Variants in ATXN10 observed in about 807,000 individuals in gnomAD.
ATXN10 encodes ataxin 10.
In ATXN10, 28 loss-of-function variants were observed where a neutral mutation model predicts 52.9. The observed-to-expected ratio is 0.53, with a 90% CI of 0.39 to 0.73. The LOEUF is 0.73. Among genes scored for constraint, ATXN10 ranks in the 30% least tolerant of loss-of-function variants. The probability of loss-of-function intolerance (pLI) is 0.00; values close to 1 mark genes in which losing one functional copy is unlikely to be tolerated. For missense variants in ATXN10, 565 were observed against 577.0 expected, an observed-to-expected ratio of 0.98 and a Z score of 0.21; for synonymous variants, 226 against 221.5, an observed-to-expected ratio of 1.02 and a Z score of -0.18.
rs531479224 is a variant in ATXN10 at position 45,821,365 on chromosome 22, A to C, written c.1237+14343A>C. Among the ~76,000 whole-genome samples, 15 of 151,936 alleles carry C rather than the reference A, an allele frequency of 9.9e-5. No individual in the cohort carries two copies. The South Asian group carries it at 1.7e-3, about 17-fold the overall frequency. Reference sequence around the variant, plus strand: ...GTCTCTTTAAAAAAAAAAAAAAAAAAAACGAACCTAGCACAGTTTCCTCCA... The same window carrying C: ...GTCTCTTTAAAAAAAAAAAAAAAAACAACGAACCTAGCACAGTTTCCTCCA... On this transcript the variant is annotated intron_variant, in intron 10 of 11. Coordinates refer to ENST00000252934, the MANE Select transcript of ATXN10 (RefSeq NM_013236.4).
In ATXN10 at chr22:45,819,192, AAATAG is replaced by A. The variant is rs56195245; in HGVS notation, c.1237+12226_1237+12230del. 0.1 allele frequency among the ~76,000 whole-genome samples: 15,380 copies of A among 147,426 alleles called. 937 individuals carry two copies. The highest frequency in any genetic ancestry group is 0.15 in the African/African-American group (5,917 of 39,602). On this transcript the variant is annotated intron_variant, in intron 10 of 11. Transcript: ENST00000252934. This position sits in a 1 kb window ranked among gnomAD's most constrained non-coding sequence, Gnocchi z 4.5. ...TCTGTAGTATGAAGAATAGAATAGA[AAATAG>A]AATAGAATAGAATAGAATAGAATAG...
intron 9 of ATXN10, among the ~76,000 whole-genome samples, chr22:45,765,453 A>G (rs544985910): frequency 2.5e-4 from 38 of 152,284 alleles, no homozygotes; most frequent in African/African-American, 8.9e-4. Flanking sequence ...CTGGTGAATT[A>G]TTCCTCTCTC....
chr22:45,747,318 A>C (rs1925770456), intron 9 of ATXN10, among the ~76,000 whole-genome samples: 1 of 152,162 alleles, frequency 6.6e-6, no homozygotes, highest in Admixed American at 6.6e-5. Context: ...CAGCCAGACA[A>C]CATAATAAGA....
chr22:45,809,717 A>G (rs1035732148), intron 10 of ATXN10, among the ~76,000 whole-genome samples: 3 of 152,190 alleles, frequency 2.0e-5, no homozygotes, highest in Admixed American at 6.5e-5. Flanking sequence ...GTGTACGTGC[A>G]TATGTGTGTA....
intron 3 of ATXN10, 89 bp downstream of exon 3, chr22:45,693,167 A>G (rs1381172310): frequency 9.4e-7 from 1 of 1,059,606 alleles, no homozygotes; most frequent in Non-Finnish European, 1.4e-6. Flanking sequence ...TCATTGAAAC[A>G]CATGTTCTGT....
At position 45,786,524 on chromosome 22, in the gene ATXN10, A is replaced by G. The variant is rs1270961025; in HGVS notation, c.1174-20435A>G. 6.6e-6 allele frequency among the ~76,000 whole-genome samples: 1 copy of G among 152,226 alleles called. No individual in the cohort carries two copies. The highest frequency in any genetic ancestry group is 1.5e-5 in the Non-Finnish European group (1 of 68,030). On this transcript the variant is annotated intron_variant, in intron 9 of 11. Transcript: ENST00000252934. The surrounding 1 kb of genome is among the most constrained non-coding windows in gnomAD (Gnocchi z 4.1). The stretch of plus-strand genomic sequence containing the variant: ...CCCGCACTTTATCACCCTTCCTGCC[A>G]GGGCATTGCTCCCTGGTCGGAAGGA...
rs1924511879 is a variant in ATXN10 at position 45,718,048 on chromosome 22, T to G, written c.648-365T>G. ...TCTCTGGTTCATTATAGCAGTTAGCTTCTGACTAAACCAATTTAATATGTT... is the reference window on the plus strand; with the variant it reads ...TCTCTGGTTCATTATAGCAGTTAGCGTCTGACTAAACCAATTTAATATGTT... On this transcript the variant is annotated intron_variant, in intron 5 of 11. Coordinates refer to ENST00000252934, the MANE Select transcript of ATXN10 (RefSeq NM_013236.4). This position sits in a 1 kb window ranked among gnomAD's most constrained non-coding sequence, Gnocchi z 4.4. Among the ~76,000 whole-genome samples, 1 of 152,212 alleles carries G rather than the reference T, an allele frequency of 6.6e-6. No individual in the cohort carries two copies. The highest frequency in any genetic ancestry group is 2.4e-5 in the African/African-American group (1 of 41,462).
In ATXN10 at chr22:45,783,931, G is replaced by C. The variant is rs540050647; in HGVS notation, c.1174-23028G>C. ...CAAGGCTGGTGAGAGTTTGGCACTT[G>C]AGATGTCTTCCTAGGTCTGCTGAGG... On this transcript the variant is annotated intron_variant, in intron 9 of 11. Transcript: ENST00000252934. The surrounding 1 kb of genome is among the most constrained non-coding windows in gnomAD (Gnocchi z 5.0). Among the ~76,000 whole-genome samples, 26 of 152,250 alleles carry C rather than the reference G, an allele frequency of 1.7e-4. No individual in the cohort carries two copies. The highest frequency in any genetic ancestry group is 3.3e-4 in the Admixed American group (5 of 15,302).
intron 10 of ATXN10, among the ~76,000 whole-genome samples, chr22:45,813,929 CA>C (rs1292833967): frequency 6.6e-6 from 1 of 152,178 alleles, no homozygotes; most frequent in African/African-American, 2.4e-5. Flanking sequence ...CACCCACAGT[CA>C]ACAAAGGCCT....
chr22:45,751,225 C>A (rs999549144), intron 9 of ATXN10, among the ~76,000 whole-genome samples: 4 of 152,186 alleles, frequency 2.6e-5, no homozygotes, highest in African/African-American at 9.7e-5. Context: ...GCCACCATGC[C>A]CAGCCTCTTT....
intron 5 of ATXN10, among the ~76,000 whole-genome samples, chr22:45,709,608 C>G (rs140144894): frequency 5.8e-4 from 89 of 152,300 alleles, no homozygotes; most frequent in African/African-American, 2.0e-3. Flanking sequence ...TCAGACCACT[C>G]TTCTCCATTA....
chr22:45,780,434 T>G lies in ATXN10; in HGVS notation c.1174-26525T>G, dbSNP rs530042656. ...GTGTGAAAGCCCCCTTGTTGCCTGTTTCAGAATTTATGCAGTGTGGTGGGA... is the reference window on the plus strand; with the variant it reads ...GTGTGAAAGCCCCCTTGTTGCCTGTGTCAGAATTTATGCAGTGTGGTGGGA... On this transcript the variant is annotated intron_variant, in intron 9 of 11. Coordinates refer to ENST00000252934, the MANE Select transcript of ATXN10 (RefSeq NM_013236.4). The surrounding 1 kb of genome is among the most constrained non-coding windows in gnomAD (Gnocchi z 4.0). Among the ~76,000 whole-genome samples, 1 of 152,284 alleles carries G rather than the reference T, an allele frequency of 6.6e-6. No individual in the cohort carries two copies. The highest frequency in any genetic ancestry group is 2.4e-5 in the African/African-American group (1 of 41,562).
chr22:45,693,097 C>G lies in ATXN10; in HGVS notation c.391+19C>G, dbSNP rs188157316. ...TTGACAGGTAGCATGCAATATAATTCATGGATTATTTATATCTTTATAAAG... is the reference window on the plus strand; with the variant it reads ...TTGACAGGTAGCATGCAATATAATTGATGGATTATTTATATCTTTATAAAG... On this transcript the variant is annotated intron_variant, in intron 3 of 11. Transcript: ENST00000252934. The G allele has an allele frequency of 1.9e-6, 3 of 1,599,350 alleles. No individual in the cohort carries two copies. The highest frequency in any genetic ancestry group is 2.6e-6 in the Non-Finnish European group (3 of 1,166,748).
chr22:45,742,143 T>C (rs943512021), intron 9 of ATXN10, among the ~76,000 whole-genome samples: 6 of 151,930 alleles, frequency 3.9e-5, no homozygotes, highest in Non-Finnish European at 8.8e-5. Flanking sequence ...GAGTTTATAG[T>C]ATTAAGTCCA....
rs1928877145 is a variant in ATXN10 at position 45,828,186 on chromosome 22, A to T, written c.1238-14805A>T. ...GGCAACATGGTGAAGCCCCATCTCT[A>T]TTAAAAACTTTAAAAAAGAAAAAAA... On this transcript the variant is annotated intron_variant, in intron 10 of 11. Transcript: ENST00000252934. The surrounding 1 kb of genome is among the most constrained non-coding windows in gnomAD (Gnocchi z 4.5). 1.3e-5 allele frequency among the ~76,000 whole-genome samples: 2 copies of T among 151,780 alleles called. No homozygotes were observed. Among genetic ancestry groups the T allele is most frequent in the African/African-American group, 4.8e-5 (2 of 41,290 alleles).
At chr22:45,830,815 T>G (rs1928967372) in intron 10 of ATXN10, among the ~76,000 whole-genome samples, 1 of 152,186 alleles carries the variant, frequency 6.6e-6, no homozygotes. Flanking sequence ...CCCCAAAAAG[T>G]TAAAGATAGA....
intron 9 of ATXN10, among the ~76,000 whole-genome samples, chr22:45,778,376 G>A (rs887389963): frequency 6.6e-6 from 1 of 152,286 alleles, no homozygotes; most frequent in African/African-American, 2.4e-5. Context: ...TTGCGTCTCA[G>A]TGAAACTTAT....
At chr22:45,723,570 C>A (rs1325596562) in intron 6 of ATXN10, among the ~76,000 whole-genome samples, 1 of 152,182 alleles carries the variant, frequency 6.6e-6, no homozygotes, top group Non-Finnish European at 1.5e-5. Context: ...TTATACTACT[C>A]TGTGTGCCTT....
At chr22:45,726,280 C>T (rs1443188442) in intron 6 of ATXN10, among the ~76,000 whole-genome samples, 5 of 152,004 alleles carry the variant, frequency 3.3e-5, no homozygotes, top group African/African-American at 9.7e-5. Context: ...GCCATGTATC[C>T]GTCTGGCCCT....
Sources: gnomAD v4.1 joint callset for allele counts (sites outside exome capture counted in the v4.1 genomes callset) on GRCh38, gnomAD v4.1.1 for gene constraint, Gnocchi (gnomAD v3.1) non-coding constraint, MANE v1.5 for transcripts, NCBI Gene and HGNC (gene_info 2026-07-23, HGNC 2026-07-21) for gene names.